Variants in BANP observed in about 807,000 individuals in gnomAD.
The protein encoded by BANP is BTG3 associated nuclear protein.
A neutral mutation model predicts 68.1 loss-of-function variants in BANP; 11 were observed. The observed-to-expected ratio is 0.16, with a 90% CI of 0.10 to 0.27. BANP has a LOEUF of 0.27. Among genes scored for constraint, BANP ranks in the 10% least tolerant of loss-of-function variants. The pLI, the probability that BANP is intolerant of heterozygous loss-of-function variation, is 1.00. For missense variants in BANP, 504 were observed against 722.7 expected (o/e 0.70, Z 3.47); for synonymous variants, 329 against 303.2 (o/e 1.09, Z -0.88).
intron 1 of BANP, among the ~76,000 whole-genome samples, chr16:87,968,046 G>A (rs1196025754): frequency 6.6e-6 from 1 of 150,460 alleles, no homozygotes; most frequent in East Asian, 2.0e-4. Flanking sequence ...GAGCCACCAC[G>A]CCTGGCCAGA....
chr16:88,053,262 C>T (rs1222697203), intron 11 of BANP, among the ~76,000 whole-genome samples: 1 of 151,704 alleles, frequency 6.6e-6, no homozygotes, highest in Non-Finnish European at 1.5e-5. Flanking sequence ...CCCCCACCTC[C>T]TTCACTATCA....
At chr16:88,001,403 C>T (rs1488592290) in intron 4 of BANP, among the ~76,000 whole-genome samples, 1 of 152,284 alleles carries the variant, frequency 6.6e-6, no homozygotes, top group African/African-American at 2.4e-5. Flanking sequence ...TCTCCATGCA[C>T]ATACATGCGC....
Position 88,018,306 on chromosome 16 carries a change from G to T in BANP, c.656-122G>T. 1.6e-6 allele frequency: 2 copies of T among 1,272,380 alleles called. No individual in the cohort carries two copies. The highest frequency in any genetic ancestry group is 2.3e-5 in the East Asian group (1 of 42,776). The allele number at this position is 1,272,380 out of a possible 1,614,324, so 78.8% of individuals were successfully genotyped here. A position where few individuals can be genotyped will look rare whatever the true frequency, so the allele number is the denominator to read the frequency against. ...TTGGTGACTGCCTCACAAGTTACGA[G>T]GGATTTGCCCAGCCCTGCGTGGAGC... is the stretch of plus-strand genomic sequence containing the variant. On this transcript the variant is annotated intron_variant, in intron 6 of 13. Coordinates refer to ENST00000682872, the MANE Select transcript of BANP (RefSeq NM_001386991.1). The surrounding 1 kb of genome is among the most constrained non-coding windows in gnomAD (Gnocchi z 7.7).
intron 1 of BANP, among the ~76,000 whole-genome samples, chr16:87,962,901 T>G (rs1375337994): frequency 1.3e-5 from 2 of 152,242 alleles, no homozygotes; most frequent in African/African-American, 4.8e-5. Context: ...ATGTCTCAGT[T>G]TAATAAAAGT....
rs111711795 is a variant in BANP, at chr16:87,985,602, T to C, written c.362+1343T>C. Among the ~76,000 whole-genome samples the C allele has an allele frequency of 4.7e-3, 712 of 152,340 alleles. 8 individuals are homozygous for C. Among genetic ancestry groups the C allele is most frequent in the African/African-American group, 0.015 (643 of 41,566 alleles). On this transcript the variant is annotated intron_variant, in intron 4 of 13. Transcript: ENST00000682872. Reference sequence around the variant, plus strand: ...AAAAGAAAATGTAATTTATAACTTATAGTTATTAGACTGTCCTAGCTATAG... The same window carrying C: ...AAAAGAAAATGTAATTTATAACTTACAGTTATTAGACTGTCCTAGCTATAG...
At chr16:87,952,406 G>A (rs1428887049) in intron 1 of BANP, 1 of 152,230 alleles carries the variant, frequency 6.6e-6, no homozygotes, top group African/African-American at 2.4e-5. Context: ...AGTTGTTGAT[G>A]TGGAACAGGT....
chr16:88,073,582 C>T (rs1415771023), intron 13 of BANP, among the ~76,000 whole-genome samples: 2 of 152,186 alleles, frequency 1.3e-5, no homozygotes, highest in South Asian at 4.1e-4. Flanking sequence ...AAGGCAAACT[C>T]GTTCGGCAGC....
intron 7 of BANP, among the ~76,000 whole-genome samples, chr16:88,019,271 A>G (rs1433195662): frequency 6.6e-6 from 1 of 152,170 alleles, no homozygotes; most frequent in African/African-American, 2.4e-5. Context: ...ATGGGCGCTC[A>G]GGTCCTCCTT....
rs1377202748 is a variant in BANP at position 88,054,317 on chromosome 16, T to G, written c.1312-10950T>G. ...ATCATCATCACCAACACAACCACCT[T>G]CACCACTGTCATCTCCATCATCACC... On this transcript the variant is annotated intron_variant, in intron 11 of 13. Coordinates refer to ENST00000682872, the MANE Select transcript of BANP (RefSeq NM_001386991.1). 4.1e-5 allele frequency among the ~76,000 whole-genome samples: 3 copies of G among 73,794 alleles called. 1 individual carries two copies. The highest frequency in any genetic ancestry group is 1.1e-4 in the Non-Finnish European group (3 of 26,672). The allele number at this position is 73,794 out of a possible 152,430, so 48.4% of individuals were successfully genotyped here.
chr16:88,042,045 C>T (rs1396912488), intron 11 of BANP, among the ~76,000 whole-genome samples: 1 of 152,162 alleles, frequency 6.6e-6, no homozygotes, highest in Non-Finnish European at 1.5e-5. Flanking sequence ...TCGGGAGAGC[C>T]ACCTGCACCA....
chr16:88,051,313 G>A (rs750858178), intron 11 of BANP, among the ~76,000 whole-genome samples: 1 of 152,264 alleles, frequency 6.6e-6, no homozygotes, highest in African/African-American at 2.4e-5. Context: ...GTGTGGGGCG[G>A]CCTGCAGGGT....
At chr16:88,066,149 C>A (rs572504240) in intron 12 of BANP, among the ~76,000 whole-genome samples, 1 of 152,212 alleles carries the variant, frequency 6.6e-6, no homozygotes, top group African/African-American at 2.4e-5. Flanking sequence ...CTTAGAGCAC[C>A]GAGGGCTCCA....
chr16:87,975,407 T>C (rs1334518880), intron 2 of BANP, among the ~76,000 whole-genome samples: 1 of 152,192 alleles, frequency 6.6e-6, no homozygotes, highest in East Asian at 1.9e-4. Context: ...TGTGACACTT[T>C]GTCTCGAGGG....
intron 11 of BANP, among the ~76,000 whole-genome samples, chr16:88,061,250 G>A (rs779003485): frequency 3.9e-5 from 6 of 152,348 alleles, no homozygotes; most frequent in South Asian, 4.1e-4. Context: ...TCTTGCCATC[G>A]CTCTGGGCTG....
chr16:87,952,630 C>T (rs894562392), intron 1 of BANP: 1 of 152,196 alleles, frequency 6.6e-6, no homozygotes, highest in African/African-American at 2.4e-5. Context: ...TGGATCTGGT[C>T]ATTTAACACG....
At chr16:88,042,084 A>T (rs2080953954) in intron 11 of BANP, among the ~76,000 whole-genome samples, 1 of 152,240 alleles carries the variant, frequency 6.6e-6, no homozygotes, top group Non-Finnish European at 1.5e-5. Context: ...TGGCACAGCC[A>T]TGGGGAGGGT....
chr16:88,016,202 G>A (rs1386861430), intron 6 of BANP, among the ~76,000 whole-genome samples: 1 of 152,252 alleles, frequency 6.6e-6, no homozygotes, highest in Non-Finnish European at 1.5e-5. Flanking sequence ...CAGCACAAGC[G>A]GGGACTATGT....
chr16:88,012,057 ACAT>A, intron 6 of BANP, among the ~76,000 whole-genome samples: 1 of 152,340 alleles, frequency 6.6e-6, no homozygotes, highest in East Asian at 1.9e-4. Flanking sequence ...CTTGTGGGGC[ACAT>A]AATTATGAGG....
intron 12 of BANP, among the ~76,000 whole-genome samples, chr16:88,067,492 A>G (rs1348553534): frequency 6.6e-6 from 1 of 152,144 alleles, no homozygotes; most frequent in African/African-American, 2.4e-5. Flanking sequence ...GAGGGGCTCT[A>G]GGCCGGCCCC....
Sources: gnomAD v4.1 joint callset for allele counts (sites outside exome capture counted in the v4.1 genomes callset) on GRCh38, gnomAD v4.1.1 for gene constraint, Gnocchi (gnomAD v3.1) non-coding constraint, MANE v1.5 for transcripts, NCBI Gene and HGNC (gene_info 2026-07-23, HGNC 2026-07-21) for gene names.